Variants in NYAP1 observed in about 807,000 individuals in gnomAD.
The protein encoded by NYAP1 is neuronal tyrosine phosphorylated phosphoinositide-3-kinase adaptor 1, also known as neuronal tyrosine-phosphorylated phosphoinositide-3-kinase adapter 1.
NYAP1 carries 20 observed loss-of-function variants against 58.6 expected under a neutral mutation model. The observed-to-expected ratio is 0.34, with a 90% CI of 0.24 to 0.50. The LOEUF is 0.50. Among genes scored for constraint, NYAP1 ranks in the 20% least tolerant of loss-of-function variants. The probability of loss-of-function intolerance (pLI) is 0.98; values close to 1 mark genes in which losing one functional copy is unlikely to be tolerated. For missense variants in NYAP1, 1,150 were observed against 1,194.5 expected (o/e 0.96, Z 0.55); for synonymous variants, 572 against 523.1 (o/e 1.09, Z -1.27).
chr7:100,484,299 G>A (rs762784244), intron 1 of NYAP1, among the ~76,000 whole-genome samples: 70 of 152,090 alleles, frequency 4.6e-4, no homozygotes, highest in Non-Finnish European at 9.4e-4. Flanking sequence ...CAGGTATGGA[G>A]GCCGCAGCCC....
chr7:100,484,144 GGC>G (rs1799674458), intron 1 of NYAP1, 143 bp downstream of exon 1: 2 of 153,690 alleles, frequency 1.3e-5, no homozygotes, highest in South Asian at 4.1e-4. Flanking sequence ...AGGAACCTGG[GGC>G]CCTTGGATGG....
chr7:100,491,098 G>A lies in NYAP1; in HGVS notation c.2268+3G>A. ...AGCCCAGGGATGCCCTGAGCCAGGTGAGGCTTGGTTTTTCTTTTATTTGTG... is the reference window on the plus strand; with the variant it reads ...AGCCCAGGGATGCCCTGAGCCAGGTAAGGCTTGGTTTTTCTTTTATTTGTG... On this transcript the variant is annotated splice_donor_region_variant and intron_variant, in intron 6 of 6. Transcript: ENST00000300179. 2.6e-6 allele frequency: 4 copies of A among 1,539,622 alleles called. No homozygotes were observed. The highest frequency in any genetic ancestry group is 3.5e-6 in the Non-Finnish European group (4 of 1,136,974).
intron 4 of NYAP1, among the ~76,000 whole-genome samples, chr7:100,489,977 C>T (rs1229272828): frequency 2.0e-5 from 3 of 152,020 alleles, no homozygotes; most frequent in African/African-American, 7.2e-5. Flanking sequence ...GCACCAGGAA[C>T]TAAACACAGC....
intron 6 of NYAP1, among the ~76,000 whole-genome samples, chr7:100,493,037 G>A (rs1258898813): frequency 6.6e-6 from 1 of 151,360 alleles, no homozygotes; most frequent in Non-Finnish European, 1.5e-5. Flanking sequence ...AGGAAGGGAG[G>A]GACCTTGTCT....
Position 100,493,894 on chromosome 7 carries a change from C to G in NYAP1, c.2517C>G (p.Thr839=), listed in dbSNP as rs900702332. 3.2e-5 allele frequency: 47 copies of G among 1,460,966 alleles called. No individual in the cohort carries two copies. In the African/African-American group the frequency reaches 5.6e-4, roughly 17 times the overall value. The allele number at this position is 1,460,966 out of a possible 1,614,324, so 90.5% of individuals were successfully genotyped here. A position where few individuals can be genotyped will look rare whatever the true frequency, so the allele number is the denominator to read the frequency against. The change falls in exon 7 of 7, where the codon ACC becomes ACG. Residue 839 remains threonine, a synonymous_variant. Coordinates refer to ENST00000300179, the MANE Select transcript of NYAP1 (RefSeq NM_173564.4). ...CRRQHTVLWD[T]AI Reference sequence around the variant, plus strand: ...GGCAGCACACGGTCCTCTGGGACACCGCCATCTGAGGCGGGCGGGGGGGTA... The same window carrying G: ...GGCAGCACACGGTCCTCTGGGACACGGCCATCTGAGGCGGGCGGGGGGGTA...
rs1231604178 is a variant in NYAP1 at position 100,490,473 on chromosome 7, G to A, written c.1946-44G>A. ...TGTGTGGCCAGAGGGACAGAATGACGCCTCCAACATGCAGGCACACAGCTC... is the reference window on the plus strand; with the variant it reads ...TGTGTGGCCAGAGGGACAGAATGACACCTCCAACATGCAGGCACACAGCTC... On this transcript the variant is annotated intron_variant, in intron 4 of 6. Coordinates refer to ENST00000300179, the MANE Select transcript of NYAP1 (RefSeq NM_173564.4). This position sits in a 1 kb window ranked among gnomAD's most constrained non-coding sequence, Gnocchi z 4.6. The A allele has an allele frequency of 3.9e-6, 6 of 1,521,200 alleles. No homozygotes were observed. The highest frequency in any genetic ancestry group is 2.4e-5 in the East Asian group (1 of 41,208). 94.2% of individuals were successfully genotyped at this position (1,521,200 alleles called of 1,614,324 possible).
Position 100,493,671 on chromosome 7 carries a change from TGCCCCTGCC to T in NYAP1, c.2300_2308del (p.Leu767_Pro769del). Reference sequence around the variant, plus strand: ...CCCCACCCCGCGCTGCCGCTGCCTCTGCCCCTGCCGCCCCAGCCGGCCCGCGAGCGTGAC... The same window carrying T: ...CCCCACCCCGCGCTGCCGCTGCCTCTGCCCCAGCCGGCCCGCGAGCGTGAC... On this transcript the variant is annotated inframe_deletion, in exon 7 of 7. Coordinates refer to ENST00000300179, the MANE Select transcript of NYAP1 (RefSeq NM_173564.4). 1.3e-6 allele frequency: 2 copies of T among 1,586,676 alleles called. No individual in the cohort carries two copies. The highest frequency in any genetic ancestry group is 1.7e-6 in the Non-Finnish European group (2 of 1,171,674).
At chr7:100,492,416 C>T (rs1563190240) in intron 6 of NYAP1, among the ~76,000 whole-genome samples, 2 of 152,096 alleles carry the variant, frequency 1.3e-5, no homozygotes, top group Non-Finnish European at 2.9e-5. Flanking sequence ...TAGCCAACAG[C>T]ACACCTTTGT....
chr7:100,489,799 G>A, intron 4 of NYAP1, 133 bp downstream of exon 4: 1 of 713,146 alleles, frequency 1.4e-6, no homozygotes, highest in Non-Finnish European at 2.2e-6. Flanking sequence ...TTTTCTAGGA[G>A]ACCAGAGAGG....
rs1187849628 is a variant in NYAP1, at chr7:100,485,258, C to T, written c.-54C>T. 6.8e-6 allele frequency: 8 copies of T among 1,168,470 alleles called. No individual in the cohort carries two copies. Among genetic ancestry groups the T allele is most frequent in the Admixed American group, 4.1e-5 (2 of 48,714 alleles). 72.4% of individuals were successfully genotyped at this position (1,168,470 alleles called of 1,614,324 possible). A position where few individuals can be genotyped will look rare whatever the true frequency, so the allele number is the denominator to read the frequency against. On this transcript the variant is annotated 5_prime_UTR_variant, in exon 2 of 7. Coordinates refer to ENST00000300179, the MANE Select transcript of NYAP1 (RefSeq NM_173564.4). This position sits in a 1 kb window ranked among gnomAD's most constrained non-coding sequence, Gnocchi z 5.7. ...CCGGGACCCAGGGAGGGCCGCCCCC[C>T]GGGCCTGGTGGCACTGAGCAGGGCC...
Position 100,493,886 on chromosome 7 carries a change from T to G in NYAP1, c.2509T>G (p.Trp837Gly). The change falls in exon 7 of 7, where the codon TGG (tryptophan) becomes GGG (glycine). Residue 837 changes from tryptophan to glycine, a missense_variant. By Grantham distance (184) the Trp-to-Gly change is radical. Transcript: ENST00000300179. The stretch of plus-strand genomic sequence containing the variant: ...CTGCCGCCGGCAGCACACGGTCCTC[T>G]GGGACACCGCCATCTGAGGCGGGCG... ...PPCRRQHTVL[W>G]DTAI The G allele has an allele frequency of 6.8e-7, 1 of 1,480,010 alleles. No individual in the cohort carries two copies. Among genetic ancestry groups the G allele is most frequent in the Non-Finnish European group, 8.9e-7 (1 of 1,119,052 alleles). The allele number at this position is 1,480,010 out of a possible 1,614,324, so 91.7% of individuals were successfully genotyped here.
chr7:100,493,672 G>T lies in NYAP1; in HGVS notation c.2295G>T (p.Leu765=). ...CCCACCCCGCGCTGCCGCTGCCTCTGCCCCTGCCGCCCCAGCCGGCCCGCG... is the reference window on the plus strand; with the variant it reads ...CCCACCCCGCGCTGCCGCTGCCTCTTCCCCTGCCGCCCCAGCCGGCCCGCG... The part of the protein sequence containing the change: ...SQPHPALPLP[L]PLPPQPARER... Residue 765 remains leucine (L), a synonymous_variant, in exon 7 of 7, where the codon CTG becomes CTT. Coordinates refer to ENST00000300179, the MANE Select transcript of NYAP1 (RefSeq NM_173564.4). 3 of 1,586,158 alleles carry T rather than the reference G, an allele frequency of 1.9e-6. No homozygotes were observed. The highest frequency in any genetic ancestry group is 1.7e-6 in the Non-Finnish European group (2 of 1,171,452).
chr7:100,485,128 C>G lies in NYAP1; in HGVS notation c.-84-100C>G. 1.7e-6 allele frequency: 1 copy of G among 592,722 alleles called. No individual in the cohort carries two copies. The highest frequency in any genetic ancestry group is 3.0e-6 in the Non-Finnish European group (1 of 329,580). The allele number at this position is 592,722 out of a possible 1,614,324, so 36.7% of individuals were successfully genotyped here. A position where few individuals can be genotyped will look rare whatever the true frequency, so the allele number is the denominator to read the frequency against. Reference sequence around the variant, plus strand: ...GTCTGTGTTTTCCTCTCTGAGGACCCGAGTCATGTCTCTTCTCCGTTTTCT... The same window carrying G: ...GTCTGTGTTTTCCTCTCTGAGGACCGGAGTCATGTCTCTTCTCCGTTTTCT... On this transcript the variant is annotated intron_variant, in intron 1 of 6. Coordinates refer to ENST00000300179, the MANE Select transcript of NYAP1 (RefSeq NM_173564.4). The surrounding 1 kb of genome is among the most constrained non-coding windows in gnomAD (Gnocchi z 5.7).
Position 100,488,477 on chromosome 7 carries a change from G to C in NYAP1, c.756G>C (p.Ser252=). Residue 252 remains serine, a synonymous_variant, in exon 4 of 7, where the codon TCG becomes TCC. Coordinates refer to ENST00000300179, the MANE Select transcript of NYAP1 (RefSeq NM_173564.4). The surrounding 1 kb of genome is among the most constrained non-coding windows in gnomAD (Gnocchi z 5.9). ...GGPTPPAGAD[S]DSEESEAIYE... ...CGACCCCTCCAGCGGGCGCCGACTC[G>C]GACTCTGAAGAGAGTGAGGCCATCT... The C allele has an allele frequency of 6.2e-7, 1 of 1,611,982 alleles. No individual in the cohort carries two copies. Among genetic ancestry groups the C allele is most frequent in the Non-Finnish European group, 8.5e-7 (1 of 1,179,646 alleles).
chr7:100,491,979 G>A (rs555287186), intron 6 of NYAP1, among the ~76,000 whole-genome samples: 2 of 152,278 alleles, frequency 1.3e-5, no homozygotes, highest in Non-Finnish European at 2.9e-5. Context: ...CCCGGGAGAC[G>A]GAGGTTGCAG....
In NYAP1 at chr7:100,490,396, C is replaced by T. The variant is rs914999624; in HGVS notation, c.1946-121C>T. ...GAGTGTGAAGGAGCCCCATCCCAGC[C>T]GTTACTTGCAAAAGGGGCAATTGTG... On this transcript the variant is annotated intron_variant, in intron 4 of 6. Transcript: ENST00000300179. The surrounding 1 kb of genome is among the most constrained non-coding windows in gnomAD (Gnocchi z 4.6). 33 of 866,080 alleles carry T rather than the reference C, an allele frequency of 3.8e-5. No homozygotes were observed. Among genetic ancestry groups the T allele is most frequent in the African/African-American group, 3.2e-4 (19 of 60,102 alleles). 53.6% of individuals were successfully genotyped at this position (866,080 alleles called of 1,614,324 possible).
chr7:100,487,786 C>A lies in NYAP1; in HGVS notation c.431-366C>A, dbSNP rs60240739. Among the ~76,000 whole-genome samples the A allele has an allele frequency of 0.017, 2,550 of 152,234 alleles. 87 individuals carry two copies. Among genetic ancestry groups the A allele is most frequent in the African/African-American group, 0.055 (2,294 of 41,528 alleles). On this transcript the variant is annotated intron_variant, in intron 3 of 6. Transcript: ENST00000300179. This position sits in a 1 kb window ranked among gnomAD's most constrained non-coding sequence, Gnocchi z 4.1. Reference sequence around the variant, plus strand: ...CCTCCCAGAGTGCTGGGATTACAGGCGTGAGCCACTGTGCTTGGCCAATTA... The same window carrying A: ...CCTCCCAGAGTGCTGGGATTACAGGAGTGAGCCACTGTGCTTGGCCAATTA...
Position 100,487,409 on chromosome 7 carries a change from A to G in NYAP1, c.430+227A>G, listed in dbSNP as rs190125438. On this transcript the variant is annotated intron_variant, in intron 3 of 6. Coordinates refer to ENST00000300179, the MANE Select transcript of NYAP1 (RefSeq NM_173564.4). The surrounding 1 kb of genome is among the most constrained non-coding windows in gnomAD (Gnocchi z 4.1). ...CTTGAGAAAGGGGTGGTGGCCTCAG[A>G]GGGACAATGAAGGTAGGAGCTGCGA... 1.6e-4 allele frequency among the ~76,000 whole-genome samples: 25 copies of G among 152,286 alleles called. No homozygotes were observed. Among genetic ancestry groups the G allele is most frequent in the Admixed American group, 1.5e-3 (23 of 15,296 alleles).
rs1257507798 is a variant in NYAP1, at chr7:100,490,489, C to T, written c.1946-28C>T. On this transcript the variant is annotated intron_variant, in intron 4 of 6. Transcript: ENST00000300179. This position sits in a 1 kb window ranked among gnomAD's most constrained non-coding sequence, Gnocchi z 4.6. ...CAGAATGACGCCTCCAACATGCAGG[C>T]ACACAGCTCTCCTTGTCATCCCAGC... is the stretch of plus-strand genomic sequence containing the variant. 2.6e-6 allele frequency: 4 copies of T among 1,556,132 alleles called. No individual in the cohort carries two copies. Among genetic ancestry groups the T allele is most frequent in the Non-Finnish European group, 3.5e-6 (4 of 1,147,682 alleles).
Sources: allele counts gnomAD v4.1 joint callset (sites outside exome capture counted in the v4.1 genomes callset), GRCh38; gene constraint gnomAD v4.1.1; non-coding constraint Gnocchi (gnomAD v3.1); transcripts MANE v1.5; gene names NCBI Gene and HGNC (gene_info 2026-07-23, HGNC 2026-07-21).